The following REST variants were observed in gnomAD, a reference collection of about 807,000 sequenced individuals.
REST encodes RE1-silencing transcription factor.
In REST, 1 loss-of-function variant was observed where a neutral mutation model predicts 30.4. The ratio of observed to expected loss-of-function variants is 0.03; its 90% CI spans 0.01 to 0.16. The LOEUF is 0.16. REST is among the 10% of genes least tolerant of loss of function. The pLI is 1.00. For synonymous variants in REST, 504 were observed against 451.1 expected (o/e 1.12, Z -1.49); for missense variants, 1,259 against 1,329.5 (o/e 0.95, Z 0.82).
At chr4:56,909,762 CCAA>C (rs1261198280) in intron 1 of REST, among the ~76,000 whole-genome samples, 2 of 152,078 alleles carry the variant, frequency 1.3e-5, no homozygotes, top group African/African-American at 4.8e-5. Context: ...TCTAGAAAGC[CCAA>C]CTTGTTTTGA....
rs752454165 is a variant in REST at position 56,930,605 on chromosome 4, A to G, written c.1747A>G (p.Thr583Ala). Residue 583 changes from threonine (T) to alanine (A), a missense_variant, in exon 4 of 4, where the codon ACT becomes GCT. By Grantham distance (58) the Thr-to-Ala change is moderately conservative (BLOSUM62 0). Coordinates refer to ENST00000309042, the MANE Select transcript of REST (RefSeq NM_005612.5). Reference sequence around the variant, plus strand: ...CATGAAAAAAAGTACAAAGAAGAAAACTCTGAAAAATAAATCAAGTAAGAA... The same window carrying G: ...CATGAAAAAAAGTACAAAGAAGAAAGCTCTGAAAAATAAATCAAGTAAGAA... ...TCMKKSTKKK[T>A]LKNKSSKKSS... 1.9e-5 allele frequency: 30 copies of G among 1,612,712 alleles called. No individual in the cohort carries two copies. In the Admixed American group the frequency reaches 5.0e-4, roughly 27 times the overall value.
At chr4:56,911,702 C>T in intron 2 of REST, 166 bp downstream of exon 2, 1 of 609,122 alleles carries the variant, frequency 1.6e-6, no homozygotes, top group South Asian at 2.0e-5. Flanking sequence ...TCAGAAATTT[C>T]TCCATGGAGT....
intron 1 of REST, chr4:56,908,798 C>A (rs149300866): frequency 6.6e-6 from 1 of 151,826 alleles, no homozygotes; most frequent in Non-Finnish European, 1.5e-5. Flanking sequence ...TCCGGCCACC[C>A]GACCGCTGGA....
rs1469249596 is a variant in REST at position 56,930,148 on chromosome 4, C to T, written c.1290C>T (p.Thr430=). ...MDVSKVKLKK[T]KKREADLPDN... is the part of the protein sequence containing the mutation. ...TCTCAAAAGTGAAACTAAAGAAAAC[C>T]AAAAAACGAGAGGCTGACTTGCCTG... The change falls in exon 4 of 4, where the codon ACC becomes ACT. Residue 430 remains threonine (T), a synonymous_variant. Coordinates refer to ENST00000309042, the MANE Select transcript of REST (RefSeq NM_005612.5). 1 of 1,610,908 alleles carries T rather than the reference C, an allele frequency of 6.2e-7. No homozygotes were observed. Among genetic ancestry groups the T allele is most frequent in the South Asian group, 1.1e-5 (1 of 90,326 alleles).
Position 56,931,449 on chromosome 4 carries a change from C to G in REST, c.2591C>G (p.Ser864Ter). 6.2e-7 allele frequency: 1 copy of G among 1,614,212 alleles called. No homozygotes were observed. The highest frequency in any genetic ancestry group is 8.5e-7 in the Non-Finnish European group (1 of 1,180,026). The change falls in exon 4 of 4, where the codon TCA (serine) becomes TGA (stop). Residue 864 changes from serine to a stop codon, truncating the protein, a stop_gained. Coordinates refer to ENST00000309042, the MANE Select transcript of REST (RefSeq NM_005612.5). LOFTEE classifies it low-confidence loss of function (END_TRUNC). ...AGCACAGAGGATCTCTCACCACCAT[C>G]ACCACCACTGCCAAAGGAAAATTTA... ...SVSTEDLSPP[S>*]PPLPKENLRE...
At chr4:56,915,220 T>G (rs1359611113) in intron 2 of REST, among the ~76,000 whole-genome samples, 1 of 109,092 alleles carries the variant, frequency 9.2e-6, no homozygotes, top group African/African-American at 3.3e-5. Context: ...CTGGCCAATT[T>G]TGTGTGTGTG....
At chr4:56,913,395 C>T (rs906590246) in intron 2 of REST, among the ~76,000 whole-genome samples, 1 of 152,038 alleles carries the variant, frequency 6.6e-6, no homozygotes, top group Non-Finnish European at 1.5e-5. Flanking sequence ...ATGTTTTTAA[C>T]TATTGGTAGC....
chr4:56,919,057 C>T (rs1196118713), intron 2 of REST, among the ~76,000 whole-genome samples: 1 of 151,752 alleles, frequency 6.6e-6, no homozygotes, highest in African/African-American at 2.4e-5. Flanking sequence ...GCACGTACCA[C>T]CATGCCCGGC....
chr4:56,924,770 A>G (rs1720608262), intron 3 of REST, among the ~76,000 whole-genome samples: 1 of 152,092 alleles, frequency 6.6e-6, no homozygotes, highest in African/African-American at 2.4e-5. Context: ...GTTTTAGAAC[A>G]TTCTTTTATA....
intron 2 of REST, 37 bp from the exon 3 acceptor site, chr4:56,919,750 G>A: frequency 7.9e-7 from 1 of 1,272,562 alleles, no homozygotes; most frequent in Non-Finnish European, 1.1e-6. Context: ...GCTATTTCGT[G>A]ACATTTAAAC....
In REST at chr4:56,908,160, C is replaced by G. The variant is rs1172204684; in HGVS notation, c.-63C>G. The G allele has an allele frequency of 4.5e-5, 10 of 219,882 alleles. No homozygotes were observed. Among genetic ancestry groups the G allele is most frequent in the African/African-American group, 1.9e-4 (8 of 42,744 alleles). 13.6% of individuals were successfully genotyped at this position (219,882 alleles called of 1,614,324 possible). The stretch of plus-strand genomic sequence containing the variant: ...AACTCCAGCAACAAAGAAAAGTAGT[C>G]GGAGAAGGAGCGGCGACTCAGGGTC... On this transcript the variant is annotated 5_prime_UTR_variant, in exon 1 of 4. Transcript: ENST00000309042.
chr4:56,930,486 A>G lies in REST; in HGVS notation c.1628A>G (p.Lys543Arg), dbSNP rs762215943. Residue 543 changes from lysine (K) to arginine (R), a missense_variant, in exon 4 of 4, where the codon AAG (lysine) becomes AGG (arginine). Lys to Arg is a conservative substitution (Grantham distance 26). This residue lies in a region of REST where 856 missense variants were observed against 772.8 expected (regional missense o/e 1.11). Transcript: ENST00000309042. Reference sequence around the variant, plus strand: ...AATGATGAGGAATCTTCAACAAAAAAGAAAAAGAAGGTAGAAAGCAAATCC... The same window carrying G: ...AATGATGAGGAATCTTCAACAAAAAGGAAAAAGAAGGTAGAAAGCAAATCC... Reference protein sequence around the residue: ...PVNDEESSTKKKKKVESKSKN... With the variant: ...PVNDEESSTKRKKKVESKSKN... The G allele has an allele frequency of 3.0e-5, 48 of 1,612,176 alleles. No individual in the cohort carries two copies. The highest frequency in any genetic ancestry group is 1.7e-5 in the Admixed American group (1 of 59,604).
rs550331167 is a variant in REST at position 56,926,768 on chromosome 4, T to A, written c.983-3073T>A. 2.6e-5 allele frequency among the ~76,000 whole-genome samples: 4 copies of A among 151,966 alleles called. No individual in the cohort carries two copies. The East Asian group carries it at 7.8e-4, about 30-fold the overall frequency. On this transcript the variant is annotated intron_variant, in intron 3 of 3. Transcript: ENST00000309042. ...GTTAAGGACTTTACATAGATTAGAT[T>A]ATTTATAGCTCACAACACTTAGAGA...
rs1193678055 is a variant in REST, at chr4:56,915,240, ATTTTTTT to A, written c.898+3721_898+3727del. On this transcript the variant is annotated intron_variant, in intron 2 of 3. Coordinates refer to ENST00000309042, the MANE Select transcript of REST (RefSeq NM_005612.5). ...CAATTTTGTGTGTGTGTGTGTGTGT[ATTTTTTT>A]TTTTTTTTTTTTTTTTGAGATGGAG... 6.5e-3 allele frequency among the ~76,000 whole-genome samples: 362 copies of A among 55,540 alleles called. 6 individuals are homozygous for A. The highest frequency in any genetic ancestry group is 0.025 in the African/African-American group (335 of 13,532). The allele number at this position is 55,540 out of a possible 152,430, so 36.4% of individuals were successfully genotyped here. A position where few individuals can be genotyped will look rare whatever the true frequency, so the allele number is the denominator to read the frequency against.
At position 56,932,255 on chromosome 4, in the gene REST, C is replaced by A; in HGVS notation, c.*103C>A. The A allele has an allele frequency of 7.9e-7, 1 of 1,266,952 alleles. No homozygotes were observed. Among genetic ancestry groups the A allele is most frequent in the Non-Finnish European group, 1.1e-6 (1 of 925,548 alleles). 78.5% of individuals were successfully genotyped at this position (1,266,952 alleles called of 1,614,324 possible). Reference sequence around the variant, plus strand: ...CTTTTAAGATTGCTTTAATTAGTATCTGATGTTGATTTTTAAGTGGCATTC... The same window carrying A: ...CTTTTAAGATTGCTTTAATTAGTATATGATGTTGATTTTTAAGTGGCATTC... On this transcript the variant is annotated 3_prime_UTR_variant, in exon 4 of 4. Transcript: ENST00000309042.
Position 56,915,220 on chromosome 4 carries a change from T to TTGTGTG in REST, c.898+3698_898+3703dup, listed in dbSNP as rs775223358. Among the ~76,000 whole-genome samples the TTGTGTG allele has an allele frequency of 5.7e-3, 625 of 109,120 alleles. 6 individuals are homozygous for TTGTGTG. Among genetic ancestry groups the TTGTGTG allele is most frequent in the Non-Finnish European group, 9.0e-3 (475 of 52,998 alleles). 71.6% of individuals were successfully genotyped at this position (109,120 alleles called of 152,430 possible). On this transcript the variant is annotated intron_variant, in intron 2 of 3. Transcript: ENST00000309042. ...CGTGAGCCACCACGCCTGGCCAATT[T>TTGTGTG]TGTGTGTGTGTGTGTGTGTATTTTT... is the stretch of plus-strand genomic sequence containing the variant.
rs1378058864 is a variant in REST, at chr4:56,907,932, C to A, written c.-291C>A. On this transcript the variant is annotated 5_prime_UTR_variant, in exon 1 of 4. It introduces an in-frame stop codon into an upstream open reading frame of the 5' UTR. Transcript: ENST00000309042. ...GCGCAGCGTCCTGTGTTGGAATGTGCGGCTGCCGCGAGCTCGCGGCGCAGC... is the reference window on the plus strand; with the variant it reads ...GCGCAGCGTCCTGTGTTGGAATGTGAGGCTGCCGCGAGCTCGCGGCGCAGC... 3.5e-6 allele frequency: 1 copy of A among 288,074 alleles called. No individual in the cohort carries two copies. The highest frequency in any genetic ancestry group is 1.5e-4 in the South Asian group (1 of 6,654). The allele number at this position is 288,074 out of a possible 1,614,324, so 17.8% of individuals were successfully genotyped here. A position where few individuals can be genotyped will look rare whatever the true frequency, so the allele number is the denominator to read the frequency against.
At chr4:56,920,507 A>AT (rs1426037193) in intron 3 of REST, among the ~76,000 whole-genome samples, 1 of 151,856 alleles carries the variant, frequency 6.6e-6, no homozygotes, top group African/African-American at 2.4e-5. Context: ...CACGCCCTTA[A>AT]TCCCAGCACT....
rs1371092850 is a variant in REST, at chr4:56,911,095, A to G, written c.457A>G (p.Ser153Gly). ...ACCTGGAGCGGAGGACAAAGGCAAGAGCTCGAAGACCAAACCCTTTCGCTG... is the reference window on the plus strand; with the variant it reads ...ACCTGGAGCGGAGGACAAAGGCAAGGGCTCGAAGACCAAACCCTTTCGCTG... ...ETPGAEDKGKSSKTKPFRCKP... is the reference protein window; with the variant it reads ...ETPGAEDKGKGSKTKPFRCKP... Residue 153 changes from serine (S) to glycine (G), a missense_variant, in exon 2 of 4, where the codon AGC becomes GGC. This residue lies in a region of REST where 249 missense variants were observed against 251.5 expected (regional missense o/e 0.99). Coordinates refer to ENST00000309042, the MANE Select transcript of REST (RefSeq NM_005612.5). 1.9e-6 allele frequency: 3 copies of G among 1,614,122 alleles called. No homozygotes were observed. The highest frequency in any genetic ancestry group is 2.5e-6 in the Non-Finnish European group (3 of 1,180,058).
Sources: gnomAD v4.1 joint callset for allele counts (sites outside exome capture counted in the v4.1 genomes callset) on GRCh38, gnomAD v4.1.1 for gene constraint, gnomAD v4.1.1 regional missense constraint, MANE v1.5 for transcripts, NCBI Gene and HGNC (gene_info 2026-07-23, HGNC 2026-07-21) for gene names.